The following SUPT3H variants were observed in gnomAD, a reference collection of about 807,000 sequenced individuals.
The protein encoded by SUPT3H is SPT3 homolog, SAGA and STAGA complex component, also known as transcription initiation protein SPT3 homolog.
A neutral mutation model predicts 44.3 loss-of-function variants in SUPT3H; 44 were observed. The observed-to-expected ratio is 0.99, with a 90% CI of 0.78 to 1.28. The LOEUF is 1.28. Among genes scored for constraint, SUPT3H ranks in the 50% most tolerant of loss-of-function variants. SUPT3H has a pLI of 0.00. For missense variants in SUPT3H, 380 were observed against 387.1 expected (o/e 0.98, Z 0.15); for synonymous variants, 124 against 125.6 (o/e 0.99, Z 0.09).
intron 10 of SUPT3H, among the ~76,000 whole-genome samples, chr6:44,895,376 A>T (rs145860509): frequency 0.012 from 1,767 of 151,706 alleles, 19 homozygotes; most frequent in Non-Finnish European, 0.016. Flanking sequence ...GGCACACAGT[A>T]CCATACCTGG....
At chr6:44,900,395 G>A (rs1764790872) in intron 10 of SUPT3H, among the ~76,000 whole-genome samples, 1 of 152,230 alleles carries the variant, frequency 6.6e-6, no homozygotes, top group South Asian at 2.1e-4. Context: ...TGGCTCGGAG[G>A]GTCCTATGCC....
intron 3 of SUPT3H, among the ~76,000 whole-genome samples, chr6:45,079,504 G>A (rs1327943587): frequency 6.6e-6 from 1 of 151,428 alleles, no homozygotes; most frequent in East Asian, 1.9e-4. Context: ...AAAAAAGGAA[G>A]GAAGGAAAAA....
intron 2 of SUPT3H, among the ~76,000 whole-genome samples, chr6:45,283,435 C>A (rs961247109): frequency 6.6e-6 from 1 of 152,064 alleles, no homozygotes; most frequent in African/African-American, 2.4e-5. Context: ...GGGTTGCAAT[C>A]CTAGTATCTG....
intron 2 of SUPT3H, among the ~76,000 whole-genome samples, chr6:45,191,076 G>A (rs1034290985): frequency 1.3e-5 from 2 of 152,008 alleles, no homozygotes; most frequent in Admixed American, 6.6e-5. Context: ...TTACTCAAAG[G>A]TTTGAGTAAA....
At chr6:45,251,815 A>T (rs1162538550) in intron 2 of SUPT3H, among the ~76,000 whole-genome samples, 4 of 152,210 alleles carry the variant, frequency 2.6e-5, no homozygotes, top group Admixed American at 2.0e-4. Context: ...TTGCCTGATG[A>T]TAAATGTCAG....
intron 2 of SUPT3H, among the ~76,000 whole-genome samples, chr6:45,214,207 A>C (rs909344246): frequency 6.6e-6 from 1 of 152,022 alleles, no homozygotes; most frequent in Admixed American, 6.5e-5. Context: ...TTATGAAAAA[A>C]ATTTAAATAA....
intron 3 of SUPT3H, among the ~76,000 whole-genome samples, chr6:45,054,265 T>C (rs530457096): frequency 6.6e-6 from 1 of 152,170 alleles, no homozygotes; most frequent in African/African-American, 2.4e-5. Context: ...CACAAAAGAA[T>C]TCTCTGGCCT....
intron 3 of SUPT3H, among the ~76,000 whole-genome samples, chr6:45,040,744 T>C (rs1407699566): frequency 2.6e-5 from 4 of 152,170 alleles, no homozygotes; most frequent in East Asian, 1.9e-4. Flanking sequence ...AACTTTAACA[T>C]GTGTAATTAA....
intron 1 of SUPT3H, among the ~76,000 whole-genome samples, chr6:45,374,904 A>T (rs555627524): frequency 6.6e-6 from 1 of 152,300 alleles, no homozygotes; most frequent in East Asian, 1.9e-4. Flanking sequence ...TAATTTTGTC[A>T]CTGTTTTAAA....
At chr6:44,900,693 G>C (rs1764861284) in intron 10 of SUPT3H, among the ~76,000 whole-genome samples, 1 of 152,168 alleles carries the variant, frequency 6.6e-6, no homozygotes, top group Admixed American at 6.6e-5. Context: ...CCAGCATGCA[G>C]TTAGAGATCT....
At chr6:44,990,881 C>T (rs1582935882) in intron 6 of SUPT3H, among the ~76,000 whole-genome samples, 1 of 123,246 alleles carries the variant, frequency 8.1e-6, no homozygotes, top group South Asian at 2.4e-4. Context: ...TTTTAATAAA[C>T]AAGTTATTTA....
intron 10 of SUPT3H, among the ~76,000 whole-genome samples, chr6:44,870,291 G>A (rs1252267157): frequency 1.3e-5 from 2 of 152,132 alleles, no homozygotes; most frequent in East Asian, 3.9e-4. Flanking sequence ...CATCAGCATA[G>A]TATGCTTAAG....
chr6:44,928,882 C>CAAAATAAATAAATAAATAAATAA (rs1491206167), intron 10 of SUPT3H, among the ~76,000 whole-genome samples: 1 of 20,646 alleles, frequency 4.8e-5, no homozygotes, highest in African/African-American at 3.1e-4. Context: ...GACTCCGTCT[C>CAAAATAAATAAATAAATAAATAA]AAAAAAAAAA....
downstream of SUPT3H, among the ~76,000 whole-genome samples, chr6:44,823,935 C>T (rs1035131861): frequency 1.1e-4 from 17 of 152,108 alleles, no homozygotes; most frequent in African/African-American, 3.6e-4. Flanking sequence ...TGCACTCCAG[C>T]CTGGGCAACA....
chr6:45,094,944 C>G (rs564103579), intron 3 of SUPT3H, among the ~76,000 whole-genome samples: 1 of 152,060 alleles, frequency 6.6e-6, no homozygotes, highest in East Asian at 1.9e-4. Flanking sequence ...TGTGACCATA[C>G]GTGTGTGTTT....
chr6:45,274,025 T>C (rs1562843199), intron 2 of SUPT3H, among the ~76,000 whole-genome samples: 1 of 152,254 alleles, frequency 6.6e-6, no homozygotes, highest in South Asian at 2.1e-4. Context: ...GTCATCATTG[T>C]TGTTTTGATT....
chr6:45,188,121 G>A (rs1814552380), intron 2 of SUPT3H, among the ~76,000 whole-genome samples: 1 of 152,186 alleles, frequency 6.6e-6, no homozygotes, highest in Non-Finnish European at 1.5e-5. Flanking sequence ...AACTGTCACA[G>A]CATCACAGCG....
At chr6:45,275,578 A>G (rs942685169) in intron 2 of SUPT3H, among the ~76,000 whole-genome samples, 2 of 152,202 alleles carry the variant, frequency 1.3e-5, no homozygotes, top group Non-Finnish European at 2.9e-5. Flanking sequence ...ATGTGAAATG[A>G]CAGACTGATT....
At chr6:45,376,910 T>C (rs140230433) in intron 1 of SUPT3H, among the ~76,000 whole-genome samples, 2,787 of 152,296 alleles carry the variant, frequency 0.018, 48 homozygotes, top group South Asian at 0.084. Context: ...TACATATATA[T>C]ACACACACAT....
Sources: gnomAD v4.1 joint callset for allele counts (sites outside exome capture counted in the v4.1 genomes callset) on GRCh38, gnomAD v4.1.1 for gene constraint, MANE v1.5 for transcripts, NCBI Gene and HGNC (gene_info 2026-07-23, HGNC 2026-07-21) for gene names.